The following NXPH1 variants were observed in gnomAD, a reference collection of about 807,000 sequenced individuals.
NXPH1 encodes neurexophilin 1, also known as neurexophilin-1.
A neutral mutation model predicts 23.7 loss-of-function variants in NXPH1; 5 were observed. The observed-to-expected ratio is 0.21, with a 90% CI of 0.11 to 0.44. The LOEUF (loss-of-function observed/expected upper bound fraction) is 0.44, where lower values mean the gene tolerates loss of function less well. Ranked by LOEUF, NXPH1 falls within the 20% of genes least tolerant of loss-of-function variation. NXPH1 has a pLI of 0.99. For missense variants in NXPH1, 324 were observed against 321.6 expected (o/e 1.01, Z -0.06); for synonymous variants, 144 against 122.2 (o/e 1.18, Z -1.18).
chr7:8,723,581 A>G (rs1355053266), intron 2 of NXPH1, among the ~76,000 whole-genome samples: 1 of 152,190 alleles, frequency 6.6e-6, no homozygotes, highest in African/African-American at 2.4e-5. Context: ...GTATTTTCCA[A>G]GAAGAATGCC....
At chr7:8,482,382 T>G (rs1278783854) in intron 2 of NXPH1, among the ~76,000 whole-genome samples, 3 of 152,168 alleles carry the variant, frequency 2.0e-5, no homozygotes, top group African/African-American at 7.2e-5. Flanking sequence ...ACTTCTGTTT[T>G]TAGCAGGAAG....
intron 2 of NXPH1, among the ~76,000 whole-genome samples, chr7:8,607,241 A>G (rs944328108): frequency 1.3e-5 from 2 of 152,272 alleles, no homozygotes; most frequent in Admixed American, 6.5e-5. Context: ...TATATATATT[A>G]TTGCTTAAAT....
intron 2 of NXPH1, among the ~76,000 whole-genome samples, chr7:8,544,011 T>C (rs1160076311): frequency 6.6e-6 from 1 of 151,500 alleles, no homozygotes; most frequent in Non-Finnish European, 1.5e-5. Flanking sequence ...GTTCATACAG[T>C]TAATTAGAAA....
At chr7:8,656,210 A>G (rs1483989770) in intron 2 of NXPH1, among the ~76,000 whole-genome samples, 1 of 152,242 alleles carries the variant, frequency 6.6e-6, no homozygotes, top group African/African-American at 2.4e-5. Flanking sequence ...TTCACTTCTG[A>G]TAAGACAAAT....
chr7:8,675,928 G>C (rs1820944729), intron 2 of NXPH1, among the ~76,000 whole-genome samples: 1 of 152,024 alleles, frequency 6.6e-6, no homozygotes, highest in South Asian at 2.1e-4. Flanking sequence ...GCCACTTGTT[G>C]GTCATTCTTG....
At chr7:8,562,122 T>C (rs1818455873) in intron 2 of NXPH1, among the ~76,000 whole-genome samples, 1 of 151,672 alleles carries the variant, frequency 6.6e-6, no homozygotes, top group Non-Finnish European at 1.5e-5. Context: ...GAATATTTTA[T>C]TACCATTTTA....
chr7:8,517,791 A>T (rs1817709728), intron 2 of NXPH1, among the ~76,000 whole-genome samples: 2 of 152,152 alleles, frequency 1.3e-5, no homozygotes, highest in East Asian at 3.9e-4. Flanking sequence ...GTTCCTGGCA[A>T]TTCTTTGAGA....
chr7:8,584,387 T>A (rs1818939796), intron 2 of NXPH1, among the ~76,000 whole-genome samples: 1 of 152,338 alleles, frequency 6.6e-6, no homozygotes, highest in African/African-American at 2.4e-5. Context: ...TACAGACTTG[T>A]CTTCCTCAAC....
intron 2 of NXPH1, among the ~76,000 whole-genome samples, chr7:8,590,886 G>C (rs976364878): frequency 2.0e-5 from 3 of 152,118 alleles, no homozygotes; most frequent in Middle Eastern, 6.8e-3. Flanking sequence ...TCGTTGAACT[G>C]TTCCTATTTT....
intron 2 of NXPH1, among the ~76,000 whole-genome samples, chr7:8,528,900 G>A (rs755149011): frequency 6.6e-6 from 1 of 152,200 alleles, no homozygotes; most frequent in African/African-American, 2.4e-5. Context: ...AGTTTCTGTA[G>A]GTCAGAAGTT....
intron 2 of NXPH1, among the ~76,000 whole-genome samples, chr7:8,520,094 A>G (rs2128615502): frequency 6.6e-6 from 1 of 152,326 alleles, no homozygotes; most frequent in South Asian, 2.1e-4. Flanking sequence ...CCCCAAATTC[A>G]AAAATGAGAA....
intron 2 of NXPH1, among the ~76,000 whole-genome samples, chr7:8,720,830 T>A (rs1224354696): frequency 6.6e-6 from 1 of 152,200 alleles, no homozygotes; most frequent in Non-Finnish European, 1.5e-5. Context: ...AATCTAAAGT[T>A]CTAGAACTTT....
chr7:8,733,999 GGTTTTAGATCTTAT>G (rs779552673), intron 2 of NXPH1, among the ~76,000 whole-genome samples: 68 of 152,150 alleles, frequency 4.5e-4, no homozygotes, highest in Non-Finnish European at 6.5e-4. Context: ...GGGTTTTTAT[GGTTTTAGATCTTAT>G]GTTTAAGTCT....
At chr7:8,594,573 C>A (rs976921997) in intron 2 of NXPH1, among the ~76,000 whole-genome samples, 12 of 151,812 alleles carry the variant, frequency 7.9e-5, no homozygotes, top group African/African-American at 2.2e-4. Flanking sequence ...AGGCTGTGAA[C>A]AAAATAAATT....
chr7:8,713,162 A>G (rs1436063709), intron 2 of NXPH1, among the ~76,000 whole-genome samples: 3 of 151,962 alleles, frequency 2.0e-5, no homozygotes, highest in Non-Finnish European at 4.4e-5. Flanking sequence ...CTCTGACTGT[A>G]TATTTTCAAA....
At chr7:8,745,719 ATTTTT>A (rs56019801) in intron 2 of NXPH1, among the ~76,000 whole-genome samples, 25 of 111,822 alleles carry the variant, frequency 2.2e-4, no homozygotes, top group African/African-American at 3.8e-4. Flanking sequence ...CGCCCAGCTA[ATTTTT>A]TTTTTTTTTT....
At position 8,659,005 on chromosome 7, in the gene NXPH1, A is replaced by AT. The variant is rs1205362505; in HGVS notation, c.55-91988dup. Among the ~76,000 whole-genome samples the AT allele has an allele frequency of 2.9e-3, 216 of 73,236 alleles. 58 individuals carry two copies. The highest frequency in any genetic ancestry group is 9.8e-3 in the South Asian group (17 of 1,734). 48.0% of individuals were successfully genotyped at this position (73,236 alleles called of 152,430 possible). A position where few individuals can be genotyped will look rare whatever the true frequency, so the allele number is the denominator to read the frequency against. On this transcript the variant is annotated intron_variant, in intron 2 of 2. Transcript: ENST00000405863. ...TAAGAATATGTATATATATATATAT[A>AT]TTTTTTTTTTTTTTTGCTAAAACAG... is the stretch of plus-strand genomic sequence containing the variant.
intron 2 of NXPH1, among the ~76,000 whole-genome samples, chr7:8,747,860 G>A (rs189613834): frequency 6.6e-6 from 1 of 152,284 alleles, no homozygotes; most frequent in African/African-American, 2.4e-5. Flanking sequence ...GCTACTCTGT[G>A]TTACAGAAAA....
At chr7:8,626,018 A>G (rs777712377) in intron 2 of NXPH1, among the ~76,000 whole-genome samples, 9 of 152,076 alleles carry the variant, frequency 5.9e-5, no homozygotes, top group Non-Finnish European at 1.2e-4. Context: ...TATGGTAACT[A>G]CTTTTTTGTT....
Sources: gnomAD v4.1 joint callset for allele counts (sites outside exome capture counted in the v4.1 genomes callset) on GRCh38, gnomAD v4.1.1 for gene constraint, MANE v1.5 for transcripts, NCBI Gene and HGNC (gene_info 2026-07-23, HGNC 2026-07-21) for gene names.